PRDM1: variants seen among roughly 807,000 people sequenced by gnomAD.
PRDM1 encodes the protein PR/SET domain 1.
Under a neutral mutation model 62.8 loss-of-function variants are expected in PRDM1, and 13 were observed. The observed-to-expected ratio is 0.21, with a 90% CI of 0.13 to 0.33. The LOEUF is 0.33. Ranked by LOEUF, PRDM1 falls within the 10% of genes least tolerant of loss-of-function variation. The pLI, the probability that PRDM1 is intolerant of heterozygous loss-of-function variation, is 1.00. For missense variants in PRDM1, 895 were observed against 1,058.8 expected (o/e 0.85, Z 2.15); for synonymous variants, 396 against 417.6 (o/e 0.95, Z 0.63).
intron 1 of PRDM1, among the ~76,000 whole-genome samples, chr6:106,022,027 TGA>T (rs1330152589): frequency 6.6e-6 from 1 of 152,220 alleles, no homozygotes; most frequent in Non-Finnish European, 1.5e-5. Flanking sequence ...ATCTCTGAAA[TGA>T]GAGTTACAGT....
chr6:106,043,973 C>T (rs371644411), upstream of PRDM1, among the ~76,000 whole-genome samples: 3 of 152,086 alleles, frequency 2.0e-5, no homozygotes, highest in Non-Finnish European at 4.4e-5. Context: ...GCTAGGGAAT[C>T]TTTTTCCATT....
intron 1 of PRDM1, among the ~76,000 whole-genome samples, chr6:106,039,247 C>G (rs1582434709): frequency 6.6e-6 from 1 of 152,176 alleles, no homozygotes; most frequent in Non-Finnish European, 1.5e-5. Flanking sequence ...TGGGGAGAGG[C>G]TCAGAGCTTT....
chr6:106,043,101 T>C (rs548373299), intron 1 of PRDM1, among the ~76,000 whole-genome samples: 8 of 152,338 alleles, frequency 5.3e-5, no homozygotes, highest in Middle Eastern at 6.8e-3. Flanking sequence ...TCTGCTCACC[T>C]TGGCCTCCCA....
At chr6:106,020,950 CCCTCTTGTCTA>C (rs1202709293) in intron 1 of PRDM1, among the ~76,000 whole-genome samples, 1 of 152,212 alleles carries the variant, frequency 6.6e-6, no homozygotes, top group Non-Finnish European at 1.5e-5. Flanking sequence ...AGTCCTTTCC[CCCTCTTGTCTA>C]CCTGCACATC....
At chr6:105,995,943 G>A (rs371030509) in intron 1 of PRDM1, among the ~76,000 whole-genome samples, 283 of 152,272 alleles carry the variant, frequency 1.9e-3, no homozygotes, top group South Asian at 4.8e-3. Flanking sequence ...TCTTATAGTG[G>A]CACCATTTCC....
At chr6:106,066,443 CAGTTTTGTGAAGG>C (rs1277735767) in intron 1 of PRDM1, among the ~76,000 whole-genome samples, 4 of 152,084 alleles carry the variant, frequency 2.6e-5, no homozygotes, top group Non-Finnish European at 5.9e-5. Flanking sequence ...ATCAAGTAGG[CAGTTTTGTGAAGG>C]AGAATTTTCT....
chr6:106,083,702 C>A (rs1220398929), upstream of PRDM1, among the ~76,000 whole-genome samples: 1 of 152,240 alleles, frequency 6.6e-6, no homozygotes, highest in Non-Finnish European at 1.5e-5. Context: ...TGTGAGAGCT[C>A]TGCCTGAGAA....
At chr6:106,017,599 A>C (rs941836939) in intron 1 of PRDM1, among the ~76,000 whole-genome samples, 1 of 152,236 alleles carries the variant, frequency 6.6e-6, no homozygotes, top group African/African-American at 2.4e-5. Context: ...GTAAGTTCAC[A>C]CAGTTGCTTG....
chr6:106,034,879 G>A lies in PRDM1; in HGVS notation c.-67+41240G>A, dbSNP rs185492712. Among the ~76,000 whole-genome samples, 554 of 152,064 alleles carry A rather than the reference G, an allele frequency of 3.6e-3. 5 individuals are homozygous for A. The highest frequency in any genetic ancestry group is 5.9e-3 in the Non-Finnish European group (399 of 67,940). ...ACTCCTGACCTCAGGTGATCTACCT[G>A]CCTTAGCCTCCCAAAGTGCTGGGAG... is the stretch of plus-strand genomic sequence containing the variant. On this transcript the variant is annotated intron_variant, in intron 1 of 6. Coordinates refer to the PRDM1 transcript ENST00000652320.
At chr6:106,092,033 G>A (rs1215536150) in intron 2 of PRDM1, among the ~76,000 whole-genome samples, 1 of 151,580 alleles carries the variant, frequency 6.6e-6, no homozygotes, top group Non-Finnish European at 1.5e-5. Flanking sequence ...TGTAATTTGG[G>A]GAGAGGATGA....
At chr6:106,016,827 T>A (rs1360168950) in intron 1 of PRDM1, among the ~76,000 whole-genome samples, 3 of 152,094 alleles carry the variant, frequency 2.0e-5, no homozygotes, top group African/African-American at 4.8e-5. Flanking sequence ...CTAATTTTTG[T>A]ATTTTTAGTA....
chr6:106,084,152 T>G (rs545463552), upstream of PRDM1, among the ~76,000 whole-genome samples: 2 of 149,652 alleles, frequency 1.3e-5, no homozygotes, highest in East Asian at 1.9e-4. Flanking sequence ...GGTTTGGAGG[T>G]TTTTTTTTTC....
intron 1 of PRDM1, among the ~76,000 whole-genome samples, chr6:106,040,519 A>T (rs2114574886): frequency 6.6e-6 from 1 of 152,310 alleles, no homozygotes; most frequent in East Asian, 1.9e-4. Flanking sequence ...TTTCTCAGTG[A>T]TTAAGAATCC....
At chr6:106,011,134 ATTTG>A (rs1383641776) in intron 1 of PRDM1, among the ~76,000 whole-genome samples, 5 of 151,898 alleles carry the variant, frequency 3.3e-5, no homozygotes, top group Non-Finnish European at 7.4e-5. Flanking sequence ...GTTTTCTTCT[ATTTG>A]TTTGTTTTGT....
At chr6:106,103,243 C>T (rs1012017068) in intron 4 of PRDM1, among the ~76,000 whole-genome samples, 6 of 152,084 alleles carry the variant, frequency 3.9e-5, no homozygotes, top group African/African-American at 1.4e-4. Flanking sequence ...CTCTAAGGGG[C>T]TCTCAAATTG....
chr6:106,007,387 G>A (rs190736522), intron 1 of PRDM1, among the ~76,000 whole-genome samples: 2 of 151,804 alleles, frequency 1.3e-5, no homozygotes, highest in Non-Finnish European at 2.9e-5. Context: ...CCGAGATGGC[G>A]CCACTGCACT....
rs1172091970 is a variant in PRDM1 at position 105,994,302 on chromosome 6, C to CTCTACCAAGCTCAGCGCGTACA, written c.-67+664_-67+685dup. On this transcript the variant is annotated intron_variant, in intron 1 of 6. Transcript: ENST00000652320. This position sits in a 1 kb window ranked among gnomAD's most constrained non-coding sequence, Gnocchi z 4.1. ...TTGGAAAAGCAAATTCCACGGTGAA[C>CTCTACCAAGCTCAGCGCGTACA]TCTACCAAGCTCAGCGCGTACACAG... Among the ~76,000 whole-genome samples the CTCTACCAAGCTCAGCGCGTACA allele has an allele frequency of 3.9e-4, 60 of 152,176 alleles. No homozygotes were observed. The highest frequency in any genetic ancestry group is 1.3e-3 in the African/African-American group (55 of 41,528).
chr6:105,993,604 C>G (rs1425563657), exon 1 of PRDM1, among the ~76,000 whole-genome samples: 7 of 152,280 alleles, frequency 4.6e-5, no homozygotes, highest in Admixed American at 4.6e-4. Context: ...GCTGGTGTGC[C>G]GCTTAGGACT....
chr6:106,089,975 A>G (rs1299277961), intron 2 of PRDM1, among the ~76,000 whole-genome samples: 1 of 152,192 alleles, frequency 6.6e-6, no homozygotes, highest in Non-Finnish European at 1.5e-5. Context: ...TCTTATCGTC[A>G]GTTCAGCTCT....
Sources: gnomAD v4.1 joint callset for allele counts (sites outside exome capture counted in the v4.1 genomes callset) on GRCh38, gnomAD v4.1.1 for gene constraint, Gnocchi (gnomAD v3.1) non-coding constraint, MANE v1.5 for transcripts, NCBI Gene and HGNC (gene_info 2026-07-23, HGNC 2026-07-21) for gene names.